XPNPEP3: variants seen among roughly 807,000 people sequenced by gnomAD.
XPNPEP3 encodes xaa-Pro aminopeptidase 3.
In XPNPEP3, 41 loss-of-function variants were observed where a neutral mutation model predicts 60.0. The ratio of observed to expected loss-of-function variants is 0.68; its 90% confidence interval spans 0.53 to 0.89. The LOEUF (loss-of-function observed/expected upper bound fraction) is 0.89, where lower values mean the gene tolerates loss of function less well. Among genes scored for constraint, XPNPEP3 ranks in the 40% least tolerant of loss-of-function variants. The probability of loss-of-function intolerance (pLI) is 0.00; values close to 1 mark genes in which losing one functional copy is unlikely to be tolerated. For synonymous variants in XPNPEP3, 212 were observed against 223.2 expected (o/e 0.95, Z 0.45); for missense variants, 598 against 638.9 (o/e 0.94, Z 0.69).
At chr22:40,897,720 G>C (rs890432142) in intron 4 of XPNPEP3, among the ~76,000 whole-genome samples, 1 of 152,080 alleles carries the variant, frequency 6.6e-6, no homozygotes, top group African/African-American at 2.4e-5. Context: ...AAGGGTTCCA[G>C]TTTTTCTACA....
At chr22:40,899,997 G>A (rs1247161705) in intron 4 of XPNPEP3, among the ~76,000 whole-genome samples, 1 of 151,864 alleles carries the variant, frequency 6.6e-6, no homozygotes, top group South Asian at 2.1e-4. Flanking sequence ...CCTAGGAGGC[G>A]GAGATTGCAG....
chr22:40,864,461 T>C (rs2057967564), intron 1 of XPNPEP3, among the ~76,000 whole-genome samples: 1 of 152,184 alleles, frequency 6.6e-6, no homozygotes, highest in African/African-American at 2.4e-5. Flanking sequence ...TTATTATTAT[T>C]TGAGGTGGAG....
intron 4 of XPNPEP3, among the ~76,000 whole-genome samples, chr22:40,906,414 C>T (rs1303102105): frequency 7.0e-6 from 1 of 143,644 alleles, no homozygotes; most frequent in Non-Finnish European, 1.5e-5. Context: ...GAGTGAGACT[C>T]TGTCTCAAAA....
At chr22:40,874,960 A>G (rs369940510) in intron 2 of XPNPEP3, among the ~76,000 whole-genome samples, 7 of 152,288 alleles carry the variant, frequency 4.6e-5, no homozygotes, top group South Asian at 4.1e-4. Flanking sequence ...ACCACCATCA[A>G]TAAGTGATGA....
chr22:40,883,570 T>C (rs2058056999), intron 3 of XPNPEP3, among the ~76,000 whole-genome samples: 1 of 152,116 alleles, frequency 6.6e-6, no homozygotes, highest in Non-Finnish European at 1.5e-5. Flanking sequence ...CTTTGTTGCC[T>C]AGGCTGGTTT....
chr22:40,911,869 G>A (rs1052340345), intron 6 of XPNPEP3, among the ~76,000 whole-genome samples: 3 of 152,188 alleles, frequency 2.0e-5, no homozygotes, highest in Non-Finnish European at 4.4e-5. Context: ...TAGAGCAGCA[G>A]TTAGTGTGGT....
At chr22:40,924,626 A>G (rs1357731085) in intron 9 of XPNPEP3, 144 bp downstream of exon 9, 6 of 1,220,102 alleles carry the variant, frequency 4.9e-6, no homozygotes, top group Non-Finnish European at 7.0e-6. Context: ...CAGGTTCAGC[A>G]ATTCTCCTGC....
At chr22:40,899,855 C>T (rs943059475) in intron 4 of XPNPEP3, among the ~76,000 whole-genome samples, 3 of 150,660 alleles carry the variant, frequency 2.0e-5, no homozygotes, top group Middle Eastern at 3.4e-3. Context: ...AGTTGTACCC[C>T]TACTTCACAC....
At chr22:40,860,642 AGTTTTCCAAATTCCTTTTTTTTTTTTTT>A in intron 1 of XPNPEP3, 2 of 1,308,808 alleles carry the variant, frequency 1.5e-6, no homozygotes, top group Non-Finnish European at 2.1e-6. Flanking sequence ...AACTCATTGC[AGTTTTCCAAATTCCTTTTTTTTTTTTTT>A]AAGACAGGGT....
At chr22:40,906,698 T>C (rs1238924853) in intron 4 of XPNPEP3, among the ~76,000 whole-genome samples, 1 of 152,180 alleles carries the variant, frequency 6.6e-6, no homozygotes, top group Non-Finnish European at 1.5e-5. Flanking sequence ...ATTTCATACA[T>C]GGGGCTATTG....
At chr22:40,914,375 T>C (rs1281799434) in intron 7 of XPNPEP3, 51 bp downstream of exon 7, 1 of 1,448,380 alleles carries the variant, frequency 6.9e-7, no homozygotes, top group Admixed American at 1.7e-5. Flanking sequence ...GAGTATGAGT[T>C]GGAATATGGC....
At chr22:40,912,077 AAT>A (rs2058179217) in intron 6 of XPNPEP3, among the ~76,000 whole-genome samples, 1 of 152,192 alleles carries the variant, frequency 6.6e-6, no homozygotes, top group Non-Finnish European at 1.5e-5. Flanking sequence ...TATTTAGAAA[AAT>A]AGTTTTTTTC....
rs34451692 is a variant in XPNPEP3, at chr22:40,906,090, CTGTTTGTT to C, written c.793-1475_793-1468del. On this transcript the variant is annotated intron_variant, in intron 4 of 9. Coordinates refer to ENST00000357137, the MANE Select transcript of XPNPEP3 (RefSeq NM_022098.4). ...ACAGGCTTGAGCCAACGCACCCAGC[CTGTTTGTT>C]TGTTTGTTTGTTTGTTTGTTTTTAG... Among the ~76,000 whole-genome samples the C allele has an allele frequency of 2.7e-4, 41 of 151,814 alleles. No homozygotes were observed. In the South Asian group the frequency reaches 5.6e-3, roughly 21 times the overall value.
chr22:40,863,321 C>CA (rs2057961548), intron 1 of XPNPEP3, among the ~76,000 whole-genome samples: 1 of 152,162 alleles, frequency 6.6e-6, no homozygotes. Flanking sequence ...GTAGTCTAGA[C>CA]CCGAATTTAA....
chr22:40,886,820 C>A (rs2058071094), intron 4 of XPNPEP3, among the ~76,000 whole-genome samples: 1 of 143,242 alleles, frequency 7.0e-6, no homozygotes, highest in African/African-American at 2.7e-5. Flanking sequence ...GAGCGAGACT[C>A]CATCTCAAAA....
intron 7 of XPNPEP3, among the ~76,000 whole-genome samples, chr22:40,918,487 C>G (rs1418961460): frequency 6.6e-6 from 1 of 152,062 alleles, no homozygotes; most frequent in Non-Finnish European, 1.5e-5. Flanking sequence ...GCCTAGCCAA[C>G]ATGGTGAAAC....
In XPNPEP3 at chr22:40,930,133, G is replaced by GGT. The variant is rs2058249573; in HGVS notation, c.*3698_*3699insGT. 1 of 125,806 alleles carries GGT rather than the reference G, an allele frequency of 7.9e-6. No homozygotes were observed. Among genetic ancestry groups the GGT allele is most frequent in the Non-Finnish European group, 1.7e-5 (1 of 57,692 alleles). 7.8% of individuals were successfully genotyped at this position (125,806 alleles called of 1,614,324 possible). On this transcript the variant is annotated 3_prime_UTR_variant, in exon 10 of 10. Coordinates refer to ENST00000357137, the MANE Select transcript of XPNPEP3 (RefSeq NM_022098.4). ...TAAAGGTTTTTTGTGGGGTTTTTTT[G>GGT]TTTTTTTTTTTTTTGAGATGGAGTC...
intron 4 of XPNPEP3, chr22:40,888,462 T>G: frequency 2.4e-6 from 1 of 424,484 alleles, no homozygotes; most frequent in Non-Finnish European, 4.7e-6. Context: ...CAGGCTAGTC[T>G]CGAACTCCTG....
intron 6 of XPNPEP3, among the ~76,000 whole-genome samples, chr22:40,912,698 C>T (rs1192965281): frequency 6.6e-6 from 1 of 151,834 alleles, no homozygotes; most frequent in Non-Finnish European, 1.5e-5. Context: ...GGTGAAACCC[C>T]ATCTCTACTA....
Sources: allele counts gnomAD v4.1 joint callset (sites outside exome capture counted in the v4.1 genomes callset), GRCh38; gene constraint gnomAD v4.1.1; transcripts MANE v1.5; gene names NCBI Gene and HGNC (gene_info 2026-07-23, HGNC 2026-07-21).